The following NAALADL2 variants were observed in gnomAD, a reference collection of about 807,000 sequenced individuals.
The protein encoded by NAALADL2 is inactive N-acetylated-alpha-linked acidic dipeptidase-like protein 2.
Under a neutral mutation model 87.2 loss-of-function variants are expected in NAALADL2, and 76 were observed. The observed-to-expected ratio is 0.87, with a 90% CI of 0.72 to 1.05. The LOEUF (loss-of-function observed/expected upper bound fraction) is 1.05, where lower values mean the gene tolerates loss of function less well. NAALADL2 is among the 50% of genes least tolerant of loss of function. NAALADL2 has a pLI of 0.00. For synonymous variants in NAALADL2, 354 were observed against 331.0 expected, an observed-to-expected ratio of 1.07 and a Z score of -0.75; for missense variants, 1,089 against 945.8, an observed-to-expected ratio of 1.15 and a Z score of -1.99.
intron 1 of NAALADL2, among the ~76,000 whole-genome samples, chr3:174,950,136 A>C (rs1344599254): frequency 6.6e-6 from 1 of 152,064 alleles, no homozygotes; most frequent in East Asian, 1.9e-4. Context: ...CCAAAGTTTA[A>C]AATATCTACT....
intron 11 of NAALADL2, among the ~76,000 whole-genome samples, chr3:175,687,447 T>C (rs1454083713): frequency 6.6e-6 from 1 of 152,178 alleles, no homozygotes; most frequent in Non-Finnish European, 1.5e-5. Flanking sequence ...AGAAGAAATT[T>C]GGATGAGTAC....
At chr3:174,827,333 G>C (rs1722109740) in intron 3 of NAALADL2, among the ~76,000 whole-genome samples, 1 of 152,158 alleles carries the variant, frequency 6.6e-6, no homozygotes, top group South Asian at 2.1e-4. Context: ...GGGTCTCAGT[G>C]CGTTAAGGTC....
intron 2 of NAALADL2, among the ~76,000 whole-genome samples, chr3:175,119,915 C>G (rs972756011): frequency 1.2e-4 from 17 of 145,706 alleles, no homozygotes; most frequent in Admixed American, 1.0e-3. Context: ...GAATAGGAAA[C>G]AGCATGGAGG....
intron 3 of NAALADL2, among the ~76,000 whole-genome samples, chr3:174,808,774 T>C (rs1046721857): frequency 6.6e-6 from 1 of 151,986 alleles, no homozygotes; most frequent in Non-Finnish European, 1.5e-5. Context: ...TCCAAAATTA[T>C]ATTTATCCAT....
At chr3:174,828,693 C>T (rs1353877205) in intron 3 of NAALADL2, among the ~76,000 whole-genome samples, 1 of 152,148 alleles carries the variant, frequency 6.6e-6, no homozygotes, top group Non-Finnish European at 1.5e-5. Context: ...GGTTCCTGAA[C>T]TCTTGGATAA....
chr3:175,391,897 A>C (rs1426838846), intron 5 of NAALADL2, among the ~76,000 whole-genome samples: 3 of 152,126 alleles, frequency 2.0e-5, no homozygotes, highest in Non-Finnish European at 2.9e-5. Flanking sequence ...GAATAATATC[A>C]AAATCTATTA....
In NAALADL2 at chr3:174,847,752, G is replaced by A. The variant is rs1050815155; in HGVS notation, c.-9+110006G>A. On this transcript the variant is annotated intron_variant, in intron 3 of 3. Transcript: ENST00000434257. ...GGGTGTAGAACTAGGTGGGAACTAG[G>A]TTAGCTTTACTCTAAAATGCATGCA... Among the ~76,000 whole-genome samples the A allele has an allele frequency of 7.3e-5, 9 of 123,404 alleles. 1 individual carries two copies. Among genetic ancestry groups the A allele is most frequent in the South Asian group, 2.6e-4 (1 of 3,844 alleles). The allele number at this position is 123,404 out of a possible 152,430, so 81.0% of individuals were successfully genotyped here.
intron 2 of NAALADL2, among the ~76,000 whole-genome samples, chr3:174,709,026 C>A (rs1202403239): frequency 6.6e-6 from 1 of 152,026 alleles, no homozygotes; most frequent in African/African-American, 2.4e-5. Flanking sequence ...ATTTTATATT[C>A]CCCAAACAAA....
chr3:174,931,012 ACTATCAGGTTC>A (rs1397202658), intron 1 of NAALADL2, among the ~76,000 whole-genome samples: 112 of 152,222 alleles, frequency 7.4e-4, no homozygotes, highest in African/African-American at 2.5e-3. Flanking sequence ...TACCAGACAT[ACTATCAGGTTC>A]TTGATGAGAG....
At chr3:175,634,878 A>G (rs1315231344) in intron 11 of NAALADL2, among the ~76,000 whole-genome samples, 2 of 152,050 alleles carry the variant, frequency 1.3e-5, no homozygotes, top group East Asian at 1.9e-4. Flanking sequence ...AGACGTCTCC[A>G]TAGAGATTTG....
chr3:174,983,664 C>T (rs1022585231), intron 1 of NAALADL2, among the ~76,000 whole-genome samples: 13 of 152,080 alleles, frequency 8.5e-5, no homozygotes, highest in African/African-American at 2.7e-4. Context: ...GGGCACTAAT[C>T]GCACTCAAGG....
Position 174,575,247 on chromosome 3 carries a change from T to G in NAALADL2, c.-115+24610T>G, listed in dbSNP as rs896166197. Reference sequence around the variant, plus strand: ...AGTAGTATTTTTATGAATAACTTACTAATTTTATATTGTAGACAACAAAAT... The same window carrying G: ...AGTAGTATTTTTATGAATAACTTACGAATTTTATATTGTAGACAACAAAAT... On this transcript the variant is annotated intron_variant, in intron 2 of 3. Coordinates refer to the NAALADL2 transcript ENST00000434257. Among the ~76,000 whole-genome samples, 5 of 152,316 alleles carry G rather than the reference T, an allele frequency of 3.3e-5. No homozygotes were observed. In the South Asian group the frequency reaches 1.0e-3, roughly 32 times the overall value.
chr3:174,568,282 G>A (rs1258070931), intron 2 of NAALADL2, among the ~76,000 whole-genome samples: 1 of 151,808 alleles, frequency 6.6e-6, no homozygotes, highest in Admixed American at 6.6e-5. Flanking sequence ...CATTACAGGT[G>A]ATCTCATTAT....
chr3:175,583,686 T>A (rs891014306), intron 10 of NAALADL2, among the ~76,000 whole-genome samples: 2 of 152,196 alleles, frequency 1.3e-5, no homozygotes, highest in African/African-American at 4.8e-5. Context: ...AAGACAATGT[T>A]CAGAGAAAAA....
chr3:175,221,758 G>GTTATTTATTTAT (rs58596469), intron 2 of NAALADL2, among the ~76,000 whole-genome samples: 20,602 of 148,968 alleles, frequency 0.14, 1,546 homozygotes, highest in East Asian at 0.24. Context: ...ATATTCAGTG[G>GTTATTTATTTAT]TTATTTATTT....
intron 10 of NAALADL2, among the ~76,000 whole-genome samples, chr3:175,605,645 T>TTTTTTTGTTG (rs1723616852): frequency 6.0e-5 from 2 of 33,100 alleles, no homozygotes; most frequent in East Asian, 1.7e-3. Context: ...TGCTTGTTTT[T>TTTTTTTGTTG]TTTTTTTTTT....
intron 2 of NAALADL2, among the ~76,000 whole-genome samples, chr3:174,719,040 A>T (rs548619951): frequency 1.3e-5 from 2 of 152,232 alleles, no homozygotes; most frequent in South Asian, 2.1e-4. Flanking sequence ...TGATGTTATC[A>T]CTCCATAGAC....
At chr3:175,386,734 C>T (rs1768424280) in intron 5 of NAALADL2, among the ~76,000 whole-genome samples, 1 of 152,088 alleles carries the variant, frequency 6.6e-6, no homozygotes, top group Non-Finnish European at 1.5e-5. Context: ...TGCCTTCCAG[C>T]TCTGTTCTGC....
chr3:174,819,904 T>C (rs1270870929), intron 3 of NAALADL2, among the ~76,000 whole-genome samples: 4 of 152,158 alleles, frequency 2.6e-5, no homozygotes, highest in Non-Finnish European at 2.9e-5. Context: ...AAATAAGATA[T>C]TTTGATCATG....
Sources: gnomAD v4.1 joint callset for allele counts (sites outside exome capture counted in the v4.1 genomes callset) on GRCh38, gnomAD v4.1.1 for gene constraint, MANE v1.5 for transcripts, NCBI Gene and HGNC (gene_info 2026-07-23, HGNC 2026-07-21) for gene names.